Variants in HEATR1 observed in about 807,000 individuals in gnomAD.
The protein encoded by HEATR1 is HEAT repeat-containing protein 1.
In HEATR1, 77 loss-of-function variants were observed where a neutral mutation model predicts 248.2. The observed-to-expected ratio is 0.31, with a 90% confidence interval of 0.26 to 0.37. The LOEUF (loss-of-function observed/expected upper bound fraction) is 0.37. Ranked by LOEUF, HEATR1 falls within the 10% of genes least tolerant of loss-of-function variation. The pLI, the probability that HEATR1 is intolerant of heterozygous loss-of-function variation, is 1.00. For missense variants in HEATR1, 2,420 were observed against 2,504.9 expected (o/e 0.97, Z 0.72); for synonymous variants, 897 against 923.1 (o/e 0.97, Z 0.51).
intron 28 of HEATR1, among the ~76,000 whole-genome samples, chr1:236,570,079 G>A (rs1057138590): frequency 6.6e-6 from 1 of 152,120 alleles, no homozygotes; most frequent in East Asian, 1.9e-4. Context: ...ATGACATCAG[G>A]AGATCGAGAC....
rs570759332 is a variant in HEATR1, at chr1:236,576,855, G to C, written c.2850C>G (p.Ser950=). ...QCLQALSGVA[S]PFYLIIDHLI... ...AATGATCTATTATCAGATAAAACGGGGATGCCACTCCACTGAGGGCCTGGA... is the reference window on the plus strand; with the variant it reads ...AATGATCTATTATCAGATAAAACGGCGATGCCACTCCACTGAGGGCCTGGA... Residue 950 remains serine (S), a synonymous_variant, in exon 21 of 45, where the codon TCC becomes TCG. Coordinates refer to ENST00000366582, the MANE Select transcript of HEATR1 (RefSeq NM_018072.6). 13 of 1,613,932 alleles carry C rather than the reference G, an allele frequency of 8.1e-6. No homozygotes were observed. The South Asian group carries it at 1.4e-4, about 18-fold the overall frequency.
chr1:236,555,452 C>T lies in HEATR1; in HGVS notation c.5767G>A (p.Ala1923Thr). The T allele has an allele frequency of 6.2e-7, 1 of 1,614,168 alleles. No homozygotes were observed. Among genetic ancestry groups the T allele is most frequent in the South Asian group, 1.1e-5 (1 of 91,078 alleles). Residue 1923 changes from alanine (A) to threonine (T), a missense_variant, in exon 41 of 45, where the codon GCT (alanine) becomes ACT (threonine). Coordinates refer to ENST00000366582, the MANE Select transcript of HEATR1 (RefSeq NM_018072.6). Reference protein sequence around the residue: ...RPLFFKLFDWAKTEDAPKDRL... With the variant: ...RPLFFKLFDWTKTEDAPKDRL... ...TCCTTTGGGGCATCTTCTGTTTTAG[C>T]CCAATCAAACAGCTGAAAGGATAAG...
rs1333752710 is a variant in HEATR1, at chr1:236,571,700, A to G, written c.3708-14T>C. On this transcript the variant is annotated splice_polypyrimidine_tract_variant and intron_variant, in intron 26 of 44. Transcript: ENST00000366582. ...GGTTCTAAACATCTTCAGGACACCC[A>G]AAAGAGAAATGATGGGAAATGTAAA... 1.3e-6 allele frequency: 2 copies of G among 1,554,102 alleles called. No individual in the cohort carries two copies. Among genetic ancestry groups the G allele is most frequent in the Non-Finnish European group, 1.8e-6 (2 of 1,126,080 alleles).
chr1:236,590,846 C>A lies in HEATR1; in HGVS notation c.1530+1G>T. 1 of 1,445,318 alleles carries A rather than the reference C, an allele frequency of 6.9e-7. No homozygotes were observed. Among genetic ancestry groups the A allele is most frequent in the South Asian group, 1.5e-5 (1 of 65,248 alleles). 89.5% of individuals were successfully genotyped at this position (1,445,318 alleles called of 1,614,324 possible). A position where few individuals can be genotyped will look rare whatever the true frequency, so the allele number is the denominator to read the frequency against. ...ATATAAAAAAGCGATCTGAAACAAA[C>A]CTTTGATGTTTTCATGATCTTTTTC... On this transcript the variant is annotated splice_donor_variant, in intron 12 of 44. Transcript: ENST00000366582. LOFTEE classifies it high-confidence loss of function.
intron 19 of HEATR1, among the ~76,000 whole-genome samples, chr1:236,582,357 T>C (rs2758185): frequency 0.59 from 88,900 of 151,356 alleles, 27,897 homozygotes; most frequent in Non-Finnish European, 0.69. Context: ...CCACCCACCT[T>C]GGCCTCCCAA....
At chr1:236,598,095 T>A (rs987843525) in intron 4 of HEATR1, 116 bp from the exon 5 acceptor site, 1 of 594,934 alleles carries the variant, frequency 1.7e-6, no homozygotes. Context: ...AAAAATATAA[T>A]CTCTCCTTAT....
In HEATR1 at chr1:236,555,315, C is replaced by T. The variant is rs375302321; in HGVS notation, c.5904G>A (p.Gln1968=). 7.4e-6 allele frequency: 12 copies of T among 1,614,008 alleles called. No individual in the cohort carries two copies. In the Admixed American group the frequency reaches 1.0e-4, roughly 13 times the overall value. ...ACCCACCTGTTTTGGAGATGTTCACCTGGTTCAAGGTGTCAGCAAAAGGCT... is the reference window on the plus strand; with the variant it reads ...ACCCACCTGTTTTGGAGATGTTCACTTGGTTCAAGGTGTCAGCAAAAGGCT... ...LVKPFADTLN[Q]VNISKTDEAF... The change falls in exon 41 of 45, where the codon CAG becomes CAA. Residue 1968 remains glutamine, a synonymous_variant. Transcript: ENST00000366582.
chr1:236,601,144 G>A (rs1439160799), intron 3 of HEATR1, among the ~76,000 whole-genome samples: 1 of 152,006 alleles, frequency 6.6e-6, no homozygotes, highest in Non-Finnish European at 1.5e-5. Context: ...TTCTTTGTCT[G>A]ATTGCCCTAA....
At chr1:236,561,153 C>T in intron 33 of HEATR1, 72 bp downstream of exon 33, 1 of 1,085,116 alleles carries the variant, frequency 9.2e-7, no homozygotes, top group Non-Finnish European at 1.4e-6. Flanking sequence ...ATTTTCTGTA[C>T]TGTTTTTCCA....
At chr1:236,555,233 T>C in intron 41 of HEATR1, 63 bp downstream of exon 41, 4 of 1,541,712 alleles carry the variant, frequency 2.6e-6, no homozygotes, top group Non-Finnish European at 3.5e-6. Context: ...GGTTGTGTCT[T>C]ACTGGTACCT....
chr1:236,603,418 A>C, intron 2 of HEATR1, 42 bp from the exon 3 acceptor site: 1 of 1,515,504 alleles, frequency 6.6e-7, no homozygotes, highest in African/African-American at 1.4e-5. Flanking sequence ...AATTCTTCGT[A>C]AGCAAATTCA....
chr1:236,561,172 A>G (rs777870350), intron 33 of HEATR1, 53 bp downstream of exon 33: 43 of 1,261,432 alleles, frequency 3.4e-5, no homozygotes, highest in East Asian at 6.9e-5. Context: ...CAGGTTTTCT[A>G]TAAGTTTGAA....
In HEATR1 at chr1:236,603,149, C is replaced by T; in HGVS notation, c.359+11G>A. 1.3e-6 allele frequency: 2 copies of T among 1,596,998 alleles called. No individual in the cohort carries two copies. Among genetic ancestry groups the T allele is most frequent in the Non-Finnish European group, 1.7e-6 (2 of 1,164,688 alleles). On this transcript the variant is annotated intron_variant, in intron 3 of 44. Coordinates refer to ENST00000366582, the MANE Select transcript of HEATR1 (RefSeq NM_018072.6). ...TTAACCCATAGTTATTTCTGTAATT[C>T]TATTAGCTACCTGTGAATCAACCAC...
chr1:236,554,000 C>T (rs184488920), intron 42 of HEATR1, among the ~76,000 whole-genome samples: 2 of 152,298 alleles, frequency 1.3e-5, no homozygotes, highest in Admixed American at 1.3e-4. Flanking sequence ...CATGCTCTGA[C>T]GCGTTCTCAG....
rs1239364868 is a variant in HEATR1, at chr1:236,597,977, T to C, written c.504A>G (p.Gln168=). The change falls in exon 5 of 45, where the codon CAA becomes CAG. Residue 168 remains glutamine, a splice_region_variant and synonymous_variant. Transcript: ENST00000366582. ...HRWFWLLPVK[Q]SGVPLAKGTL... ...TTCCTTTAGCTAACGGCACTCCAGATTGCTGTTATTGATGGAAAGAACAAA... is the reference window on the plus strand; with the variant it reads ...TTCCTTTAGCTAACGGCACTCCAGACTGCTGTTATTGATGGAAAGAACAAA... 3 of 1,604,188 alleles carry C rather than the reference T, an allele frequency of 1.9e-6. No homozygotes were observed. The highest frequency in any genetic ancestry group is 1.7e-5 in the Admixed American group (1 of 59,640).
chr1:236,560,979 C>G (rs1663115838), intron 33 of HEATR1, among the ~76,000 whole-genome samples: 1 of 152,128 alleles, frequency 6.6e-6, no homozygotes, highest in Non-Finnish European at 1.5e-5. Context: ...TGAATTTGAT[C>G]AATGTACTGT....
At chr1:236,581,502 A>G (rs2103142031) in intron 19 of HEATR1, 88 bp from the exon 20 acceptor site, 1 of 917,824 alleles carries the variant, frequency 1.1e-6, no homozygotes, top group South Asian at 2.1e-5. Context: ...ACAATTATAA[A>G]GAAACAAATA....
At position 236,566,877 on chromosome 1, in the gene HEATR1, C is replaced by T. The variant is rs1663287012; in HGVS notation, c.4078-1G>A. 1 of 1,601,744 alleles carries T rather than the reference C, an allele frequency of 6.2e-7. No individual in the cohort carries two copies. The highest frequency in any genetic ancestry group is 8.6e-7 in the Non-Finnish European group (1 of 1,168,882). On this transcript the variant is annotated splice_acceptor_variant, in intron 29 of 44. Transcript: ENST00000366582. LOFTEE classifies it high-confidence loss of function. ...CTTCTATAGAATCTCCACTATCAGACTGCAAAACAGCAAGCAGAGACAATG... is the reference window on the plus strand; with the variant it reads ...CTTCTATAGAATCTCCACTATCAGATTGCAAAACAGCAAGCAGAGACAATG...
chr1:236,550,712 GA>G lies in HEATR1; in HGVS notation c.*189del. ...ATTTACTCTTTCTGCAGCTCTATAC[GA>G]TAGGCAGGAGAGGCTTATGTGGCAG... On this transcript the variant is annotated 3_prime_UTR_variant, in exon 45 of 45. Coordinates refer to ENST00000366582, the MANE Select transcript of HEATR1 (RefSeq NM_018072.6). 7.6e-6 allele frequency: 4 copies of G among 523,626 alleles called. No individual in the cohort carries two copies. The highest frequency in any genetic ancestry group is 1.3e-5 in the Non-Finnish European group (4 of 297,816). 32.4% of individuals were successfully genotyped at this position (523,626 alleles called of 1,614,324 possible).
Sources: allele counts gnomAD v4.1 joint callset (sites outside exome capture counted in the v4.1 genomes callset), GRCh38; gene constraint gnomAD v4.1.1; transcripts MANE v1.5; gene names NCBI Gene and HGNC (gene_info 2026-07-23, HGNC 2026-07-21).